MBOAT1: variants seen among roughly 807,000 people sequenced by gnomAD.
MBOAT1 encodes the protein membrane bound glycerophospholipid O-acyltransferase 1, also known as membrane-bound glycerophospholipid O-acyltransferase 1.
MBOAT1 carries 67 observed loss-of-function variants against 64.4 expected under a neutral mutation model. That is an observed-to-expected ratio of 1.04 (90% CI 0.85 to 1.27). The LOEUF (loss-of-function observed/expected upper bound fraction) is 1.27, where lower values mean the gene tolerates loss of function less well. Ranked by LOEUF, MBOAT1 falls within the 50% of genes most tolerant of loss-of-function variation. The pLI is 0.00. For synonymous variants in MBOAT1, 229 were observed against 218.9 expected, an observed-to-expected ratio of 1.05 and a Z score of -0.41; for missense variants, 563 against 604.6, an observed-to-expected ratio of 0.93 and a Z score of 0.72.
In MBOAT1 at chr6:20,118,571, T is replaced by C. The variant is rs866731295; in HGVS notation, c.908-31A>G. 6 of 1,557,928 alleles carry C rather than the reference T, an allele frequency of 3.9e-6. No homozygotes were observed. In the African/African-American group the frequency reaches 4.1e-5, roughly 11 times the overall value. ...GTTTTTAAAGTAACACATTAGGATA[T>C]GGAACAAAAGTCACATTGCTGCTTT... On this transcript the variant is annotated intron_variant, in intron 8 of 12. Transcript: ENST00000324607.
intron 1 of MBOAT1, among the ~76,000 whole-genome samples, chr6:20,198,305 A>T (rs929907904): frequency 6.6e-6 from 1 of 152,198 alleles, no homozygotes; most frequent in Non-Finnish European, 1.5e-5. Flanking sequence ...TACGAAGCAA[A>T]TGGCAATCTT....
chr6:20,121,940 G>A (rs1257497416), intron 8 of MBOAT1, among the ~76,000 whole-genome samples: 4 of 152,130 alleles, frequency 2.6e-5, no homozygotes. Context: ...TGAGGCGGGT[G>A]AATCACCTGA....
At chr6:20,148,673 C>T (rs1761400338) in intron 3 of MBOAT1, among the ~76,000 whole-genome samples, 1 of 152,196 alleles carries the variant, frequency 6.6e-6, no homozygotes, top group Non-Finnish European at 1.5e-5. Context: ...ATCTTGATTT[C>T]CTGACTCCAG....
intron 3 of MBOAT1, among the ~76,000 whole-genome samples, chr6:20,149,213 G>A (rs1009660614): frequency 6.6e-6 from 1 of 151,884 alleles, no homozygotes; most frequent in South Asian, 2.1e-4. Flanking sequence ...TGGTGGCACC[G>A]TCATACCCTG....
chr6:20,149,471 G>A (rs1362591398), intron 3 of MBOAT1, among the ~76,000 whole-genome samples: 1 of 152,102 alleles, frequency 6.6e-6, no homozygotes, highest in African/African-American at 2.4e-5. Context: ...CTATGTAATT[G>A]CTTCCAAAAC....
rs577648627 is a variant in MBOAT1, at chr6:20,169,895, T to C, written c.100-17126A>G. On this transcript the variant is annotated intron_variant, in intron 1 of 12. Transcript: ENST00000324607. The stretch of plus-strand genomic sequence containing the variant: ...CCTTTGTGCCATAAATGGCAACATA[T>C]CCCTAACTCGCCACAACTACTCCAG... Among the ~76,000 whole-genome samples, 41 of 152,282 alleles carry C rather than the reference T, an allele frequency of 2.7e-4. No individual in the cohort carries two copies. The South Asian group carries it at 5.4e-3, about 20-fold the overall frequency.
At chr6:20,112,420 C>T (rs533145256) in intron 11 of MBOAT1, among the ~76,000 whole-genome samples, 25 of 152,234 alleles carry the variant, frequency 1.6e-4, no homozygotes, top group Admixed American at 8.5e-4. Context: ...ACTCACTTCC[C>T]GTGGCCGCTA....
chr6:20,190,713 A>G (rs562123955), intron 1 of MBOAT1, among the ~76,000 whole-genome samples: 2 of 151,714 alleles, frequency 1.3e-5, no homozygotes, highest in Admixed American at 1.3e-4. Context: ...TAAACCACTT[A>G]CTTATTTGTC....
intron 8 of MBOAT1, 134 bp from the exon 9 acceptor site, chr6:20,118,674 G>A: frequency 1.6e-6 from 1 of 645,028 alleles, no homozygotes; most frequent in South Asian, 2.0e-5. Flanking sequence ...ACCCCAAAAT[G>A]TAAAGGACCT....
In MBOAT1 at chr6:20,212,282, C is replaced by A; in HGVS notation, c.-48G>T. On this transcript the variant is annotated 5_prime_UTR_variant, in exon 1 of 13. Coordinates refer to ENST00000324607, the MANE Select transcript of MBOAT1 (RefSeq NM_001080480.3). ...GCCCCTGTCCCAGCCCGCAACACCC[C>A]CTGCTCGGCGTCCTCCCGCCCGGGT... 1 of 1,551,958 alleles carries A rather than the reference C, an allele frequency of 6.4e-7. No individual in the cohort carries two copies. Among genetic ancestry groups the A allele is most frequent in the Non-Finnish European group, 8.8e-7 (1 of 1,140,702 alleles).
Position 20,162,342 on chromosome 6 carries a change from G to A in MBOAT1, c.100-9573C>T, listed in dbSNP as rs531200257. ...AAGACTCAAAGCAAAGGCTGCGTGG[G>A]ATGCTGGGAGCCTCGGAGCTTCCCA... On this transcript the variant is annotated intron_variant, in intron 1 of 12. Coordinates refer to ENST00000324607, the MANE Select transcript of MBOAT1 (RefSeq NM_001080480.3). Among the ~76,000 whole-genome samples the A allele has an allele frequency of 1.2e-4, 18 of 152,252 alleles. No homozygotes were observed. In the South Asian group the frequency reaches 2.9e-3, roughly 25 times the overall value.
chr6:20,147,565 G>C (rs1409305209), intron 3 of MBOAT1, among the ~76,000 whole-genome samples: 5 of 152,086 alleles, frequency 3.3e-5, no homozygotes, highest in Non-Finnish European at 2.9e-5. Flanking sequence ...CTTGAATCCA[G>C]GAGGCAGAGG....
intron 1 of MBOAT1, among the ~76,000 whole-genome samples, chr6:20,168,494 A>AG (rs1264488063): frequency 7.7e-5 from 10 of 130,178 alleles, no homozygotes; most frequent in African/African-American, 2.6e-4. Context: ...ACAGAGACAG[A>AG]GAGAGAGAGA....
Position 20,157,449 on chromosome 6 carries a change from C to T in MBOAT1, c.100-4680G>A, listed in dbSNP as rs145976271. 4.8e-3 allele frequency among the ~76,000 whole-genome samples: 737 copies of T among 152,148 alleles called. 3 individuals are homozygous for T. The highest frequency in any genetic ancestry group is 7.3e-3 in the East Asian group (38 of 5,178). On this transcript the variant is annotated intron_variant, in intron 1 of 12. Coordinates refer to ENST00000324607, the MANE Select transcript of MBOAT1 (RefSeq NM_001080480.3). ...CAAAAATAACGTGTAAAATGGAATA[C>T]GACTATTTTATCAGGATGGCAGGAA...
At position 20,151,100 on chromosome 6, in the gene MBOAT1, G is replaced by A. The variant is rs538514034; in HGVS notation, c.323+85C>T. The A allele has an allele frequency of 4.4e-4, 422 of 962,896 alleles. 5 individuals carry two copies. In the South Asian group the frequency reaches 5.9e-3, roughly 13 times the overall value. 59.6% of individuals were successfully genotyped at this position (962,896 alleles called of 1,614,324 possible). On this transcript the variant is annotated intron_variant, in intron 3 of 12. Transcript: ENST00000324607. ...TATACCACTTGTGGAAAATGGGTAA[G>A]GTCCATCTTTACACTGGAAATATAT...
At chr6:20,120,622 T>A (rs1215444500) in intron 8 of MBOAT1, among the ~76,000 whole-genome samples, 1 of 151,916 alleles carries the variant, frequency 6.6e-6, no homozygotes, top group African/African-American at 2.4e-5. Context: ...TTAGCCAAGA[T>A]CGCGCCATTG....
chr6:20,124,263 G>A, intron 8 of MBOAT1, 145 bp downstream of exon 8: 1 of 697,212 alleles, frequency 1.4e-6, no homozygotes, highest in Non-Finnish European at 2.4e-6. Context: ...TGCTATGTTG[G>A]TACGTTAAAA....
chr6:20,165,598 C>T (rs1232813307), intron 1 of MBOAT1, among the ~76,000 whole-genome samples: 1 of 152,076 alleles, frequency 6.6e-6, no homozygotes, highest in African/African-American at 2.4e-5. Flanking sequence ...CAAAAATTAG[C>T]CAGGCATGGT....
intron 3 of MBOAT1, among the ~76,000 whole-genome samples, chr6:20,147,602 G>C (rs932118973): frequency 6.6e-6 from 1 of 150,778 alleles, no homozygotes; most frequent in Non-Finnish European, 1.5e-5. Context: ...TTGCGCCATC[G>C]CACTCCAGAC....
Sources: allele counts gnomAD v4.1 joint callset (sites outside exome capture counted in the v4.1 genomes callset), GRCh38; gene constraint gnomAD v4.1.1; transcripts MANE v1.5; gene names NCBI Gene and HGNC (gene_info 2026-07-23, HGNC 2026-07-21).